The following PTPRK variants were observed in gnomAD, a reference collection of about 807,000 sequenced individuals.
PTPRK encodes protein tyrosine phosphatase receptor type K.
Under a neutral mutation model 178.0 loss-of-function variants are expected in PTPRK, and 75 were observed. The ratio of observed to expected loss-of-function variants is 0.42; its 90% CI spans 0.35 to 0.51. PTPRK has a LOEUF of 0.51. Among genes scored for constraint, PTPRK ranks in the 20% least tolerant of loss-of-function variants. The pLI is 0.02. For synonymous variants in PTPRK, 637 were observed against 620.6 expected, an observed-to-expected ratio of 1.03 and a Z score of -0.39; for missense variants, 1,441 against 1,797.8, an observed-to-expected ratio of 0.80 and a Z score of 3.59.
At chr6:128,244,860 C>CCTAGGTCTTTTTGCCTT (rs1398847623) in intron 3 of PTPRK, among the ~76,000 whole-genome samples, 1 of 152,014 alleles carries the variant, frequency 6.6e-6, no homozygotes, top group Non-Finnish European at 1.5e-5. Context: ...TCCAAAAAGA[C>CCTAGGTCTTTTTGCCTT]CTAGGTAAAG....
chr6:128,200,840 A>G (rs1174610764), intron 6 of PTPRK, among the ~76,000 whole-genome samples: 1 of 129,328 alleles, frequency 7.7e-6, no homozygotes, highest in Non-Finnish European at 1.7e-5. Context: ...AAGAAGGATG[A>G]GGAGGAGGGG....
At chr6:128,315,821 G>A (rs1237099803) in intron 3 of PTPRK, among the ~76,000 whole-genome samples, 2 of 152,102 alleles carry the variant, frequency 1.3e-5, no homozygotes, top group Admixed American at 1.3e-4. Context: ...GATAAAAAAC[G>A]TATTCGTTTT....
intron 3 of PTPRK, among the ~76,000 whole-genome samples, chr6:128,299,633 A>G (rs1352657895): frequency 1.3e-5 from 2 of 152,028 alleles, no homozygotes; most frequent in Non-Finnish European, 2.9e-5. Flanking sequence ...AGGATTCCCT[A>G]TTTAATAAAT....
chr6:128,046,592 C>T (rs911147658), intron 13 of PTPRK, among the ~76,000 whole-genome samples: 5 of 152,148 alleles, frequency 3.3e-5, no homozygotes, highest in Admixed American at 6.6e-5. Flanking sequence ...CTATTTCCTT[C>T]AACGTGCAGC....
At chr6:128,189,482 T>C (rs1462895365) in intron 6 of PTPRK, among the ~76,000 whole-genome samples, 1 of 151,764 alleles carries the variant, frequency 6.6e-6, no homozygotes, top group Non-Finnish European at 1.5e-5. Flanking sequence ...CTTGTGATCC[T>C]CCCACCTCGG....
At chr6:128,456,783 C>T (rs1317677513) in intron 1 of PTPRK, among the ~76,000 whole-genome samples, 5 of 152,058 alleles carry the variant, frequency 3.3e-5, no homozygotes, top group African/African-American at 1.2e-4. Flanking sequence ...GCAACCATCA[C>T]AGAGAAAGAA....
chr6:128,072,541 T>G (rs1783014686), intron 11 of PTPRK, among the ~76,000 whole-genome samples: 1 of 152,056 alleles, frequency 6.6e-6, no homozygotes, highest in African/African-American at 2.4e-5. Flanking sequence ...CATTAAAATT[T>G]GAAGTACAGT....
chr6:128,249,363 T>C (rs114700669), intron 3 of PTPRK, among the ~76,000 whole-genome samples: 2,631 of 150,828 alleles, frequency 0.017, 79 homozygotes, highest in African/African-American at 0.062. Context: ...AGAATAAAAG[T>C]CAGTAAAGAG....
At chr6:128,141,153 A>AT (rs1171792622) in intron 7 of PTPRK, among the ~76,000 whole-genome samples, 2 of 151,892 alleles carry the variant, frequency 1.3e-5, no homozygotes, top group African/African-American at 4.8e-5. Context: ...GGATTATTTT[A>AT]TTTTGCTTGA....
At chr6:128,184,817 C>A in intron 6 of PTPRK, 92 bp from the exon 7 acceptor site, 1 of 1,219,924 alleles carries the variant, frequency 8.2e-7, no homozygotes, top group Non-Finnish European at 1.1e-6. Flanking sequence ...CTTAATGGAT[C>A]ATTTATTAGA....
chr6:128,289,224 C>T lies in PTPRK; in HGVS notation c.495+32815G>A, dbSNP rs866887365. On this transcript the variant is annotated intron_variant, in intron 3 of 29. Transcript: ENST00000368226. ...TTCTTAAAGACTCTGACATTATAAA[C>T]CACTAGAATGGACTTGAAATTCTTG... 4.6e-5 allele frequency among the ~76,000 whole-genome samples: 7 copies of T among 152,074 alleles called. No individual in the cohort carries two copies. In the South Asian group the frequency reaches 1.2e-3, roughly 27 times the overall value.
chr6:128,106,977 C>T (rs1789825934), intron 7 of PTPRK, among the ~76,000 whole-genome samples: 1 of 152,038 alleles, frequency 6.6e-6, no homozygotes. Context: ...AGGTACTTTA[C>T]TATAAATTCT....
intron 7 of PTPRK, among the ~76,000 whole-genome samples, chr6:128,124,980 T>G (rs1360697335): frequency 2.0e-5 from 3 of 152,206 alleles, no homozygotes; most frequent in Non-Finnish European, 2.9e-5. Context: ...CCATTGACTC[T>G]CCTGTTCTCA....
chr6:128,349,848 T>C (rs1584296717), intron 2 of PTPRK, among the ~76,000 whole-genome samples: 4 of 152,244 alleles, frequency 2.6e-5, no homozygotes, highest in South Asian at 4.1e-4. Context: ...AACTCTTTAA[T>C]GATTATAGGA....
intron 1 of PTPRK, among the ~76,000 whole-genome samples, chr6:128,466,615 A>G (rs1849874800): frequency 6.6e-6 from 1 of 152,198 alleles, no homozygotes; most frequent in Non-Finnish European, 1.5e-5. Flanking sequence ...ATATTTAGAC[A>G]TTTAAAAATA....
In PTPRK at chr6:128,240,041, C is replaced by G; in HGVS notation, c.687G>C (p.Trp229Cys). Residue 229 changes from tryptophan (W) to cysteine (C), a missense_variant, in exon 5 of 30, where the codon TGG (tryptophan) becomes TGC (cysteine). Trp to Cys is a radical substitution (Grantham distance 215). Around this residue, in one of 4 missense-constraint regions of PTPRK, gnomAD observed 945 missense variants for 1,080.6 expected, o/e 0.87. Coordinates refer to ENST00000368226, the MANE Select transcript of PTPRK (RefSeq NM_002844.4). ...GCTGCCAACTTGGCCTTACCTGGAGCCATAACTTGTTATGCACAGCATCTC... is the reference window on the plus strand; with the variant it reads ...GCTGCCAACTTGGCCTTACCTGGAGGCATAACTTGTTATGCACAGCATCTC... Reference protein sequence around the residue: ...TGRDAVHNKLWLQRRNGEDIP... With the variant: ...TGRDAVHNKLCLQRRNGEDIP... The G allele has an allele frequency of 6.2e-7, 1 of 1,613,420 alleles. No individual in the cohort carries two copies. The highest frequency in any genetic ancestry group is 8.5e-7 in the Non-Finnish European group (1 of 1,179,592).
At chr6:128,050,892 T>C (rs1402053479) in intron 13 of PTPRK, among the ~76,000 whole-genome samples, 1 of 152,216 alleles carries the variant, frequency 6.6e-6, no homozygotes, top group African/African-American at 2.4e-5. Flanking sequence ...ATTTTCAAAA[T>C]GATGTTATTT....
At chr6:128,423,506 T>A (rs1422012575) in intron 1 of PTPRK, among the ~76,000 whole-genome samples, 1 of 149,272 alleles carries the variant, frequency 6.7e-6, no homozygotes, top group Non-Finnish European at 1.5e-5. Flanking sequence ...TAGTAAAGAC[T>A]TATTTCAATT....
chr6:128,097,557 C>A (rs1353432514), intron 7 of PTPRK, among the ~76,000 whole-genome samples: 1 of 152,118 alleles, frequency 6.6e-6, no homozygotes, highest in East Asian at 1.9e-4. Flanking sequence ...ATCATCAGAC[C>A]TAATTCCCAA....
Sources: allele counts gnomAD v4.1 joint callset (sites outside exome capture counted in the v4.1 genomes callset), GRCh38; gene constraint gnomAD v4.1.1; regional missense constraint gnomAD v4.1.1; transcripts MANE v1.5; gene names NCBI Gene and HGNC (gene_info 2026-07-23, HGNC 2026-07-21).